ADCK5: variants seen among roughly 807,000 people sequenced by gnomAD.
ADCK5 encodes the protein uncharacterized aarF domain-containing protein kinase 5.
ADCK5 carries 43 observed loss-of-function variants against 64.9 expected under a neutral mutation model. That is an observed-to-expected ratio of 0.66 (90% CI 0.52 to 0.85). ADCK5 has a LOEUF of 0.85. Among genes scored for constraint, ADCK5 ranks in the 40% least tolerant of loss-of-function variants. The pLI is 0.00. For synonymous variants in ADCK5, 434 were observed against 342.8 expected (o/e 1.27, Z -2.94); for missense variants, 760 against 810.5 (o/e 0.94, Z 0.76).
chr8:144,392,776 G>A lies in ADCK5; in HGVS notation c.1521G>A (p.Arg507=), dbSNP rs782358257. Residue 507 remains arginine (R), a splice_region_variant and synonymous_variant, in exon 14 of 15, where the codon AGG becomes AGA. Coordinates refer to ENST00000308860, the MANE Select transcript of ADCK5 (RefSeq NM_174922.5). ...GCGGCGCTAACGCGGGTGTGTGCAGGGCTGTCCGGGGCTGGAGCCGCCTGG... is the reference window on the plus strand; with the variant it reads ...GCGGCGCTAACGCGGGTGTGTGCAGAGCTGTCCGGGGCTGGAGCCGCCTGG... ...PVDRYFLMAK[R]AVRGWSRLAG... is the part of the protein sequence containing the mutation. 5 of 1,592,212 alleles carry A rather than the reference G, an allele frequency of 3.1e-6. No homozygotes were observed. The highest frequency in any genetic ancestry group is 1.7e-5 in the Admixed American group (1 of 58,740).
rs371543084 is a variant in ADCK5, at chr8:144,376,087, A to T, written c.12+1980A>T. The stretch of plus-strand genomic sequence containing the variant: ...CTCCTGTGTGATGGGAATTTCAGAG[A>T]GGATAGTCTGGGTGTGCTGGGCGCT... On this transcript the variant is annotated intron_variant, in intron 1 of 14. Transcript: ENST00000308860. The surrounding 1 kb of genome is among the most constrained non-coding windows in gnomAD (Gnocchi z 5.1). Among the ~76,000 whole-genome samples, 12 of 152,242 alleles carry T rather than the reference A, an allele frequency of 7.9e-5. No homozygotes were observed. Among genetic ancestry groups the T allele is most frequent in the African/African-American group, 2.9e-4 (12 of 41,534 alleles).
intron 1 of ADCK5, among the ~76,000 whole-genome samples, chr8:144,374,603 A>G (rs904887865): frequency 6.6e-6 from 1 of 152,018 alleles, no homozygotes; most frequent in Non-Finnish European, 1.5e-5. Flanking sequence ...CCCCGCGGGG[A>G]AGCCTCAGGC....
rs200276189 is a variant in ADCK5, at chr8:144,392,803, G to C, written c.1548G>C (p.Ala516=). The change falls in exon 14 of 15, where the codon GCG becomes GCC. Residue 516 remains alanine (A), a synonymous_variant. Transcript: ENST00000308860. ...KRAVRGWSRL[A]GATYRGVYGT... Reference sequence around the variant, plus strand: ...CTGTCCGGGGCTGGAGCCGCCTGGCGGGCGCCACGTATCGGGGTGTCTACG... The same window carrying C: ...CTGTCCGGGGCTGGAGCCGCCTGGCCGGCGCCACGTATCGGGGTGTCTACG... 2.5e-6 allele frequency: 4 copies of C among 1,592,136 alleles called. No individual in the cohort carries two copies. Among genetic ancestry groups the C allele is most frequent in the Non-Finnish European group, 3.4e-6 (4 of 1,173,974 alleles).
intron 2 of ADCK5, among the ~76,000 whole-genome samples, chr8:144,380,255 T>C (rs200647696): frequency 1.1e-4 from 16 of 145,300 alleles, no homozygotes; most frequent in South Asian, 2.2e-4. Flanking sequence ...AACAGATGTG[T>C]GCTCAGGCAC....
Position 144,376,773 on chromosome 8 carries a change from T to C in ADCK5, c.13-2614T>C, listed in dbSNP as rs1200987640. 3.9e-5 allele frequency among the ~76,000 whole-genome samples: 6 copies of C among 152,176 alleles called. No individual in the cohort carries two copies. The highest frequency in any genetic ancestry group is 1.4e-4 in the African/African-American group (6 of 41,436). On this transcript the variant is annotated intron_variant, in intron 1 of 14. Transcript: ENST00000308860. This position sits in a 1 kb window ranked among gnomAD's most constrained non-coding sequence, Gnocchi z 5.1. Reference sequence around the variant, plus strand: ...TGCCTGATCTCGGGGCCTCTAGCCATGCATGCACTGGCACCAGAGGTGGCT... The same window carrying C: ...TGCCTGATCTCGGGGCCTCTAGCCACGCATGCACTGGCACCAGAGGTGGCT...
chr8:144,388,639 C>T (rs1249993488), intron 3 of ADCK5, among the ~76,000 whole-genome samples: 2 of 151,998 alleles, frequency 1.3e-5, no homozygotes, highest in Non-Finnish European at 2.9e-5. Flanking sequence ...GTGTTGGGCG[C>T]CTGTAGTCCC....
chr8:144,389,051 C>T (rs1820079074), intron 3 of ADCK5, among the ~76,000 whole-genome samples: 1 of 152,174 alleles, frequency 6.6e-6, no homozygotes, highest in Non-Finnish European at 1.5e-5. Flanking sequence ...GTGGTCTGCC[C>T]GCTGCCTGGC....
chr8:144,374,739 G>A (rs971871217), intron 1 of ADCK5, among the ~76,000 whole-genome samples: 1 of 152,260 alleles, frequency 6.6e-6, no homozygotes, highest in East Asian at 1.9e-4. Context: ...GGCGGGCGGG[G>A]GCTGCAGGCC....
intron 3 of ADCK5, 63 bp from the exon 4 acceptor site, chr8:144,390,608 G>A: frequency 6.6e-7 from 1 of 1,519,710 alleles, no homozygotes; most frequent in Non-Finnish European, 9.0e-7. Flanking sequence ...GCTCTGACAA[G>A]AGGACCAAGC....
Position 144,391,649 on chromosome 8 carries a change from C to G in ADCK5, c.868C>G (p.Arg290Gly), listed in dbSNP as rs1174301043. The G allele has an allele frequency of 6.5e-7, 1 of 1,547,912 alleles. No homozygotes were observed. Among genetic ancestry groups the G allele is most frequent in the Non-Finnish European group, 8.7e-7 (1 of 1,150,958 alleles). The stretch of plus-strand genomic sequence containing the variant: ...GGGCCGCAACGCAGAGCGCTGTGCG[C>G]GGGAGCTGGCGCACTTCCCCTACGT... ...NEGRNAERCA[R>G]ELAHFPYVVV... Residue 290 changes from arginine (R) to glycine (G), a missense_variant, in exon 8 of 15, where the codon CGG (arginine) becomes GGG (glycine). By Grantham distance (125) the Arg-to-Gly change is moderately radical. Coordinates refer to ENST00000308860, the MANE Select transcript of ADCK5 (RefSeq NM_174922.5).
At chr8:144,380,356 A>G (rs571776616) in intron 2 of ADCK5, among the ~76,000 whole-genome samples, 26 of 152,036 alleles carry the variant, frequency 1.7e-4, no homozygotes, top group African/African-American at 6.0e-4. Flanking sequence ...GTGTAGAAAC[A>G]GATGTGTGCT....
At chr8:144,375,762 T>C in intron 1 of ADCK5, 1 of 723,968 alleles carries the variant, frequency 1.4e-6, no homozygotes, top group Non-Finnish European at 1.7e-6. Context: ...TAAGAAAGCA[T>C]GAGAGGTTCT....
At chr8:144,382,462 C>T (rs1267817329) in intron 2 of ADCK5, among the ~76,000 whole-genome samples, 2 of 152,228 alleles carry the variant, frequency 1.3e-5, no homozygotes, top group African/African-American at 4.8e-5. Flanking sequence ...CTGCTGTATT[C>T]AGCGAGTATT....
At position 144,391,815 on chromosome 8, in the gene ADCK5, C is replaced by T. The variant is rs1310348942; in HGVS notation, c.963C>T (p.Cys321=). The T allele has an allele frequency of 1.3e-6, 2 of 1,553,848 alleles. No homozygotes were observed. Among genetic ancestry groups the T allele is most frequent in the Non-Finnish European group, 1.7e-6 (2 of 1,159,120 alleles). ...TCACTGCCGACTTCTGCGCCGGCTG[C>T]AAGGTCAACGATGTGGAGGCCATCA... is the stretch of plus-strand genomic sequence containing the variant. The part of the protein sequence containing the change: ...RVLTADFCAG[C]KVNDVEAIRS... The change falls in exon 9 of 15, where the codon TGC becomes TGT. Residue 321 remains cysteine (C), a synonymous_variant. Coordinates refer to ENST00000308860, the MANE Select transcript of ADCK5 (RefSeq NM_174922.5).
intron 3 of ADCK5, among the ~76,000 whole-genome samples, chr8:144,388,225 T>C (rs1820010203): frequency 6.7e-6 from 1 of 150,314 alleles, no homozygotes; most frequent in South Asian, 2.1e-4. Flanking sequence ...GGGCATGTGG[T>C]GGGCACCTGT....
chr8:144,373,736 G>A (rs1054512636), upstream of ADCK5: 19 of 284,890 alleles, frequency 6.7e-5, no homozygotes, highest in Middle Eastern at 1.0e-3. Context: ...CGGATACCGG[G>A]CCGTGAGGAC....
At position 144,393,035 on chromosome 8, in the gene ADCK5, G is replaced by T; in HGVS notation, c.1704G>T (p.Val568=). ...GTGCTCTGGTCCACCTGAGCCTCGTGCCCCCAGCGGAGGAGCTCTACCAGT... is the reference window on the plus strand; with the variant it reads ...GTGCTCTGGTCCACCTGAGCCTCGTTCCCCCAGCGGAGGAGCTCTACCAGT... The part of the protein sequence containing the change: ...LARALVHLSL[V]PPAEELYQYL... Residue 568 remains valine (V), a synonymous_variant, in exon 15 of 15, where the codon GTG becomes GTT. Coordinates refer to ENST00000308860, the MANE Select transcript of ADCK5 (RefSeq NM_174922.5). The T allele has an allele frequency of 6.3e-7, 1 of 1,589,366 alleles. No homozygotes were observed. Among genetic ancestry groups the T allele is most frequent in the Non-Finnish European group, 8.5e-7 (1 of 1,171,898 alleles).
Position 144,392,430 on chromosome 8 carries a change from T to TC in ADCK5, c.1268-12dup. 4 of 237,552 alleles carry TC rather than the reference T, an allele frequency of 1.7e-5. No individual in the cohort carries two copies. Among genetic ancestry groups the TC allele is most frequent in the Non-Finnish European group, 2.9e-5 (4 of 138,436 alleles). 14.7% of individuals were successfully genotyped at this position (237,552 alleles called of 1,614,324 possible). On this transcript the variant is annotated splice_polypyrimidine_tract_variant and intron_variant, in intron 12 of 14. Transcript: ENST00000308860. ...ACTCAGAGCCCCCTCCCTCCCTCCC[T>TC]CCCTCCCTCCCCAGACTACCTCCTG... is the stretch of plus-strand genomic sequence containing the variant.
intron 3 of ADCK5, among the ~76,000 whole-genome samples, chr8:144,388,632 T>G (rs1172861760): frequency 3.4e-5 from 5 of 148,054 alleles, no homozygotes; most frequent in Non-Finnish European, 6.0e-5. Context: ...GGGCGTGGTG[T>G]TGGGCGCCTG....
Sources: allele counts gnomAD v4.1 joint callset (sites outside exome capture counted in the v4.1 genomes callset), GRCh38; gene constraint gnomAD v4.1.1; non-coding constraint Gnocchi (gnomAD v3.1); transcripts MANE v1.5; gene names NCBI Gene and HGNC (gene_info 2026-07-23, HGNC 2026-07-21).